FCAR: variants seen among roughly 807,000 people sequenced by gnomAD.
FCAR encodes the protein Fc alpha receptor.
FCAR carries 21 observed loss-of-function variants against 27.1 expected under a neutral mutation model. The ratio of observed to expected loss-of-function variants is 0.77; its 90% CI spans 0.55 to 1.11. FCAR has a LOEUF of 1.11. Ranked by LOEUF, FCAR falls within the 50% of genes most tolerant of loss-of-function variation. The pLI is 0.00. For missense variants in FCAR, 404 were observed against 358.4 expected (o/e 1.13, Z -1.03); for synonymous variants, 134 against 135.8 (o/e 0.99, Z 0.09).
intron 4 of FCAR, 84 bp downstream of exon 4, chr19:54,888,378 A>C: frequency 1.3e-6 from 2 of 1,550,556 alleles, no homozygotes; most frequent in Non-Finnish European, 1.7e-6. Context: ...ACGTGCACTG[A>C]GAGTGAAGTG....
At chr19:54,880,446 C>T (rs587606827) in intron 2 of FCAR, among the ~76,000 whole-genome samples, 18 of 152,292 alleles carry the variant, frequency 1.2e-4, no homozygotes, top group Admixed American at 5.2e-4. Context: ...AGATTAGCCC[C>T]TCTGTCATTT....
chr19:54,885,096 G>T (rs372630519), intron 2 of FCAR, 139 bp from the exon 3 acceptor site: 1 of 715,060 alleles, frequency 1.4e-6, no homozygotes, highest in Admixed American at 2.9e-5. Context: ...GTGAGCTACC[G>T]CACCCGGCCT....
chr19:54,886,239 C>T (rs2066713548), intron 3 of FCAR, among the ~76,000 whole-genome samples: 1 of 141,486 alleles, frequency 7.1e-6, no homozygotes, highest in African/African-American at 2.5e-5. Context: ...CAGGGCGAGA[C>T]TCCATCTCAC....
At chr19:54,882,180 C>T (rs1364249990) in intron 2 of FCAR, among the ~76,000 whole-genome samples, 1 of 152,186 alleles carries the variant, frequency 6.6e-6, no homozygotes, top group Non-Finnish European at 1.5e-5. Flanking sequence ...GGACTCCTCT[C>T]TGTCTGATGG....
At chr19:54,876,801 G>A (rs2145834885) in intron 2 of FCAR, among the ~76,000 whole-genome samples, 2 of 152,234 alleles carry the variant, frequency 1.3e-5, no homozygotes, top group Admixed American at 1.3e-4. Context: ...GGCACCTGTA[G>A]TCCCAGCTGC....
At chr19:54,884,079 T>G (rs1003961519) in intron 2 of FCAR, among the ~76,000 whole-genome samples, 1 of 151,574 alleles carries the variant, frequency 6.6e-6, no homozygotes, top group Non-Finnish European at 1.5e-5. Context: ...GTGGCAGGGG[T>G]GGGTGGAGTC....
At position 54,885,489 on chromosome 19, in the gene FCAR, TTC is replaced by T; in HGVS notation, c.326_327del (p.Phe109SerfsTer4). On this transcript the variant is annotated frameshift_variant, in exon 3 of 5. Transcript: ENST00000355524. LOFTEE classifies it high-confidence loss of function. ...CCAATATAGGATAGGGCACTACAGGTTCCGGTACAGTGACACCCTGGAGCTGG... is the reference window on the plus strand; with the variant it reads ...CCAATATAGGATAGGGCACTACAGGTCGGTACAGTGACACCCTGGAGCTGG... ...QCQYRIGHYRFRYSDTLELVV... is the reference protein window; with the variant it reads ...QCQYRIGHYRXRYSDTLELVV... 1 of 1,613,548 alleles carries T rather than the reference TTC, an allele frequency of 6.2e-7. No individual in the cohort carries two copies. Among genetic ancestry groups the T allele is most frequent in the Non-Finnish European group, 8.5e-7 (1 of 1,179,490 alleles).
At chr19:54,876,954 C>T (rs1342102127) in intron 2 of FCAR, among the ~76,000 whole-genome samples, 1 of 152,086 alleles carries the variant, frequency 6.6e-6, no homozygotes, top group Non-Finnish European at 1.5e-5. Flanking sequence ...ATAAAGCCTA[C>T]CTGATGGTGG....
At chr19:54,877,620 T>C (rs2145840687) in intron 2 of FCAR, among the ~76,000 whole-genome samples, 1 of 152,318 alleles carries the variant, frequency 6.6e-6, no homozygotes, top group South Asian at 2.1e-4. Flanking sequence ...TGGTTATTTC[T>C]TGTTTCCTAT....
chr19:54,880,342 T>C (rs10406079), intron 2 of FCAR, among the ~76,000 whole-genome samples: 47,533 of 152,088 alleles, frequency 0.31, 7,662 homozygotes, highest in South Asian at 0.4. Context: ...TTGCTTTATT[T>C]TGCCATTAAT....
intron 2 of FCAR, among the ~76,000 whole-genome samples, chr19:54,880,263 T>TG (rs58714319): frequency 0.29 from 44,696 of 152,000 alleles, 6,694 homozygotes; most frequent in South Asian, 0.4. Flanking sequence ...TTTATTCTTT[T>TG]TCTTCATTTT....
intron 4 of FCAR, chr19:54,888,605 T>G (rs991018958): frequency 4.7e-5 from 44 of 934,932 alleles, no homozygotes; most frequent in Non-Finnish European, 5.8e-5. Context: ...TGGAGTGCAG[T>G]GGCACGATCT....
In FCAR at chr19:54,882,208, G is replaced by A. The variant is rs921620129; in HGVS notation, c.71-3027G>A. On this transcript the variant is annotated intron_variant, in intron 2 of 4. Coordinates refer to ENST00000355524, the MANE Select transcript of FCAR (RefSeq NM_002000.4). ...TCTGATGGCTGTGGCATAATGACCG[G>A]GCCCCCACACATGAAAAAGAATTCT... Among the ~76,000 whole-genome samples the A allele has an allele frequency of 2.0e-5, 3 of 152,124 alleles. No homozygotes were observed. In the East Asian group the frequency reaches 5.8e-4, roughly 29 times the overall value.
chr19:54,881,880 C>CAAATAAAT (rs59590774), intron 2 of FCAR, among the ~76,000 whole-genome samples: 63 of 129,528 alleles, frequency 4.9e-4, no homozygotes, highest in South Asian at 1.0e-3. Context: ...GACTCCGTCT[C>CAAATAAAT]AAATAAATAA....
chr19:54,888,061 G>A lies in FCAR; in HGVS notation c.416G>A (p.Gly139Glu). The change falls in exon 4 of 5, where the codon GGA (glycine) becomes GAA (glutamate). Residue 139 changes from glycine (G) to glutamate (E), a missense_variant. Physicochemically the swap from Gly to Glu is moderately conservative, Grantham distance 98. Coordinates refer to ENST00000355524, the MANE Select transcript of FCAR (RefSeq NM_002000.4). ...GATCGGGGTCTGGTGTTGATGCCAGGAGAGAATATTTCCCTCACGTGCAGC... is the reference window on the plus strand; with the variant it reads ...GATCGGGGTCTGGTGTTGATGCCAGAAGAGAATATTTCCCTCACGTGCAGC... ...SADRGLVLMP[G>E]ENISLTCSSA... is the part of the protein sequence containing the mutation. 1 of 1,614,086 alleles carries A rather than the reference G, an allele frequency of 6.2e-7. No individual in the cohort carries two copies. The highest frequency in any genetic ancestry group is 1.1e-5 in the South Asian group (1 of 91,080).
intron 1 of FCAR, 53 bp from the exon 2 acceptor site, chr19:54,875,277 G>T (rs1285881710): frequency 7.9e-6 from 12 of 1,528,254 alleles, no homozygotes; most frequent in African/African-American, 4.1e-5. Context: ...AGGGTGATTT[G>T]TCGTAAAGGT....
chr19:54,879,481 C>T (rs2066288374), intron 2 of FCAR, among the ~76,000 whole-genome samples: 1 of 152,104 alleles, frequency 6.6e-6, no homozygotes, highest in African/African-American at 2.4e-5. Context: ...TGTAAAGGAT[C>T]TTATTTCTCC....
intron 2 of FCAR, 84 bp from the exon 3 acceptor site, chr19:54,885,151 T>C (rs1569532469): frequency 8.3e-7 from 1 of 1,209,344 alleles, no homozygotes; most frequent in Non-Finnish European, 1.2e-6. Context: ...CACACCCTAA[T>C]GTATTTTTAC....
intron 1 of FCAR, 50 bp downstream of exon 1, chr19:54,874,373 A>G: frequency 1.9e-6 from 3 of 1,572,602 alleles, no homozygotes; most frequent in Non-Finnish European, 2.6e-6. Flanking sequence ...AGAAATCCCA[A>G]AATAATCAGG....
Sources: allele counts gnomAD v4.1 joint callset (sites outside exome capture counted in the v4.1 genomes callset), GRCh38; gene constraint gnomAD v4.1.1; transcripts MANE v1.5; gene names NCBI Gene and HGNC (gene_info 2026-07-23, HGNC 2026-07-21).